Variants in FNDC3B observed in about 807,000 individuals in gnomAD.
FNDC3B encodes the protein fibronectin type III domain containing 3B.
Under a neutral mutation model 151.5 loss-of-function variants are expected in FNDC3B, and 12 were observed. That is an observed-to-expected ratio of 0.08 (90% CI 0.05 to 0.13). The LOEUF (loss-of-function observed/expected upper bound fraction) is 0.13, where lower values mean the gene tolerates loss of function less well. FNDC3B is among the 10% of genes least tolerant of loss of function. The pLI is 1.00. For synonymous variants in FNDC3B, 528 were observed against 549.0 expected (o/e 0.96, Z 0.54); for missense variants, 1,214 against 1,505.3 (o/e 0.81, Z 3.20).
chr3:172,116,089 A>G (rs1720231778), intron 2 of FNDC3B, among the ~76,000 whole-genome samples: 2 of 152,172 alleles, frequency 1.3e-5, no homozygotes, highest in Non-Finnish European at 2.9e-5. Context: ...TTGGCTTGTC[A>G]TTTTGCGCAG....
At chr3:172,227,045 T>A in intron 4 of FNDC3B, 98 bp downstream of exon 4, 2 of 859,064 alleles carry the variant, frequency 2.3e-6, no homozygotes, top group East Asian at 2.5e-5. Context: ...AGGAGTTAAT[T>A]TGGGTACCGT....
chr3:172,344,024 G>A, intron 18 of FNDC3B, 62 bp from the exon 19 acceptor site: 1 of 1,487,954 alleles, frequency 6.7e-7, no homozygotes, highest in Non-Finnish European at 9.2e-7. Flanking sequence ...GTGAAATCTG[G>A]TGCACTTTGG....
rs1389848870 is a variant in FNDC3B, at chr3:172,108,075, G to A, written c.-28-4377G>A. ...CCCAGCTACTCGGGAGGCTGAGGCA[G>A]GAGAATAGCTTGAACCCAGGAGGCG... On this transcript the variant is annotated intron_variant, in intron 1 of 25. Coordinates refer to ENST00000415807, the MANE Select transcript of FNDC3B (RefSeq NM_022763.4). 4.6e-5 allele frequency among the ~76,000 whole-genome samples: 7 copies of A among 152,180 alleles called. No individual in the cohort carries two copies. The East Asian group carries it at 1.4e-3, about 29-fold the overall frequency.
chr3:172,365,191 C>T (rs969543119), intron 23 of FNDC3B, among the ~76,000 whole-genome samples: 4 of 152,204 alleles, frequency 2.6e-5, no homozygotes, highest in Admixed American at 6.5e-5. Context: ...AATCTAGCCT[C>T]CTCAAGGTTC....
At chr3:172,149,909 C>T (rs1722130733) in intron 3 of FNDC3B, among the ~76,000 whole-genome samples, 1 of 144,308 alleles carries the variant, frequency 6.9e-6, no homozygotes, top group Non-Finnish European at 1.5e-5. Flanking sequence ...ACCTCCGCTT[C>T]CCAGGTTCAA....
chr3:172,057,611 G>A (rs1403426771), intron 1 of FNDC3B, among the ~76,000 whole-genome samples: 1 of 151,756 alleles, frequency 6.6e-6, no homozygotes, highest in Admixed American at 6.6e-5. Context: ...AATAGGGATC[G>A]AAGCCTGTCT....
intron 10 of FNDC3B, 67 bp from the exon 11 acceptor site, chr3:172,310,761 A>T: frequency 8.9e-7 from 1 of 1,121,066 alleles, no homozygotes; most frequent in Non-Finnish European, 1.4e-6. Context: ...TATGTGAGCC[A>T]GGTGGGTAAC....
intron 23 of FNDC3B, among the ~76,000 whole-genome samples, chr3:172,367,664 T>C (rs1006059802): frequency 6.6e-6 from 1 of 152,232 alleles, no homozygotes; most frequent in Non-Finnish European, 1.5e-5. Context: ...TGAAATGTTA[T>C]GCTGCCCTAA....
At position 172,352,939 on chromosome 3, in the gene FNDC3B, C is replaced by T. The variant is rs201267676; in HGVS notation, c.2651C>T (p.Ala884Val). ...GATGCCTACCCTGATTCACCTTCTG[C>T]GTGCCTTGTACTGAACTGGGAAGAG... ...PLDAYPDSPS[A>V]CLVLNWEEPC... The change falls in exon 22 of 26, where the codon GCG (alanine) becomes GTG (valine). Residue 884 changes from alanine (A) to valine (V), a missense_variant. This residue lies in a region of FNDC3B where 380 missense variants were observed against 420.9 expected (regional missense o/e 0.90). Coordinates refer to ENST00000415807, the MANE Select transcript of FNDC3B (RefSeq NM_022763.4). The surrounding 1 kb of genome is among the most constrained non-coding windows in gnomAD (Gnocchi z 4.2). 213 of 1,614,070 alleles carry T rather than the reference C, an allele frequency of 1.3e-4. 1 individual carries two copies. In the Middle Eastern group the frequency reaches 1.6e-3, roughly 12 times the overall value.
At chr3:172,174,524 G>A (rs1367457817) in intron 3 of FNDC3B, among the ~76,000 whole-genome samples, 1 of 152,172 alleles carries the variant, frequency 6.6e-6, no homozygotes, top group Non-Finnish European at 1.5e-5. Context: ...TAAACAATTT[G>A]TTAATTGCAA....
chr3:172,265,195 A>C (rs546854175), intron 6 of FNDC3B, among the ~76,000 whole-genome samples: 4 of 152,330 alleles, frequency 2.6e-5, no homozygotes, highest in African/African-American at 9.6e-5. Context: ...TACATGCTTC[A>C]ACTTAATATT....
At chr3:172,187,996 G>GTTTTTTTT (rs35110477) in intron 3 of FNDC3B, among the ~76,000 whole-genome samples, 1 of 134,656 alleles carries the variant, frequency 7.4e-6, no homozygotes. Flanking sequence ...TATTTAAGCA[G>GTTTTTTTT]TTTTTTTTTT....
At chr3:172,251,934 C>A (rs542770292) in intron 6 of FNDC3B, among the ~76,000 whole-genome samples, 3 of 152,164 alleles carry the variant, frequency 2.0e-5, no homozygotes, top group Non-Finnish European at 4.4e-5. Flanking sequence ...ATAAACCATA[C>A]GTAATTACTT....
chr3:172,159,022 C>T (rs978676942), intron 3 of FNDC3B, among the ~76,000 whole-genome samples: 7 of 152,250 alleles, frequency 4.6e-5, no homozygotes, highest in African/African-American at 1.4e-4. Context: ...TGGCTCACGC[C>T]TGTAATCCCA....
chr3:172,310,140 T>G (rs939066960), intron 10 of FNDC3B, among the ~76,000 whole-genome samples: 1 of 152,210 alleles, frequency 6.6e-6, no homozygotes, highest in Non-Finnish European at 1.5e-5. Context: ...CCTGTAGCTC[T>G]TGGAATCCTG....
intron 3 of FNDC3B, chr3:172,186,584 G>A (rs996725626): frequency 2.1e-5 from 13 of 618,784 alleles, no homozygotes; most frequent in Admixed American, 1.4e-4. Context: ...TGGCACTATG[G>A]TATTTTTACT....
chr3:172,338,780 G>A (rs1733124091), intron 16 of FNDC3B, among the ~76,000 whole-genome samples: 1 of 152,124 alleles, frequency 6.6e-6, no homozygotes, highest in South Asian at 2.1e-4. Context: ...TGTCGCCCAG[G>A]CGACAGAGTG....
chr3:172,098,221 A>G (rs772450856), intron 1 of FNDC3B, among the ~76,000 whole-genome samples: 14 of 152,168 alleles, frequency 9.2e-5, no homozygotes, highest in Non-Finnish European at 1.6e-4. Flanking sequence ...ATGCTCAAGT[A>G]TGGAGGAAAA....
intron 10 of FNDC3B, among the ~76,000 whole-genome samples, chr3:172,309,910 A>C (rs1345735022): frequency 2.6e-5 from 4 of 152,190 alleles, no homozygotes; most frequent in Non-Finnish European, 5.9e-5. Context: ...TAGGATTCAG[A>C]TACATCTCAG....
Sources: allele counts gnomAD v4.1 joint callset (sites outside exome capture counted in the v4.1 genomes callset), GRCh38; gene constraint gnomAD v4.1.1; regional missense constraint gnomAD v4.1.1; non-coding constraint Gnocchi (gnomAD v3.1); transcripts MANE v1.5; gene names NCBI Gene and HGNC (gene_info 2026-07-23, HGNC 2026-07-21).